The following DEPTOR variants were observed in gnomAD, a reference collection of about 807,000 sequenced individuals.
The protein encoded by DEPTOR is DEP domain-containing mTOR-interacting protein.
DEPTOR carries 41 observed loss-of-function variants against 41.6 expected under a neutral mutation model. The observed-to-expected ratio is 0.98, with a 90% CI of 0.77 to 1.28. The LOEUF (loss-of-function observed/expected upper bound fraction) is 1.28, where lower values mean the gene tolerates loss of function less well. Ranked by LOEUF, DEPTOR falls within the 50% of genes most tolerant of loss-of-function variation. The pLI, the probability that DEPTOR is intolerant of heterozygous loss-of-function variation, is 0.00. For synonymous variants in DEPTOR, 195 were observed against 192.3 expected (o/e 1.01, Z -0.12); for missense variants, 514 against 527.9 (o/e 0.97, Z 0.26).
intron 3 of DEPTOR, among the ~76,000 whole-genome samples, chr8:119,941,950 AT>A (rs915409018): frequency 3.9e-5 from 6 of 152,316 alleles, no homozygotes; most frequent in African/African-American, 1.2e-4. Flanking sequence ...CAATTTTTAA[AT>A]GAGTGGGGGA....
intron 8 of DEPTOR, among the ~76,000 whole-genome samples, chr8:120,042,173 A>G (rs533101897): frequency 2.0e-5 from 3 of 151,794 alleles, no homozygotes; most frequent in South Asian, 2.1e-4. Context: ...CCCCACCTCA[A>G]GTAGAAGGTA....
chr8:119,895,383 C>T (rs1563959360), intron 1 of DEPTOR, among the ~76,000 whole-genome samples: 2 of 152,140 alleles, frequency 1.3e-5, no homozygotes, highest in African/African-American at 4.8e-5. Context: ...AACAGCTTAA[C>T]TGGGCACGCA....
At chr8:119,931,360 C>T (rs570425414) in intron 3 of DEPTOR, among the ~76,000 whole-genome samples, 1 of 152,284 alleles carries the variant, frequency 6.6e-6, no homozygotes, top group African/African-American at 2.4e-5. Context: ...GCCCTGTCAC[C>T]TTACCTTTGT....
chr8:119,885,826 C>G (rs1335541676), intron 1 of DEPTOR, among the ~76,000 whole-genome samples: 1 of 152,170 alleles, frequency 6.6e-6, no homozygotes, highest in East Asian at 1.9e-4. Flanking sequence ...GACTATCCAT[C>G]TAGCTCTCCC....
At chr8:119,950,237 A>G (rs1828335037) in intron 3 of DEPTOR, among the ~76,000 whole-genome samples, 1 of 152,140 alleles carries the variant, frequency 6.6e-6, no homozygotes, top group South Asian at 2.1e-4. Context: ...AATATAAAAC[A>G]CCTTGGTTGA....
chr8:119,903,389 C>T (rs890457115), intron 1 of DEPTOR, among the ~76,000 whole-genome samples: 3 of 152,196 alleles, frequency 2.0e-5, no homozygotes, highest in Non-Finnish European at 4.4e-5. Flanking sequence ...TGAGCCACTG[C>T]ACCCAGCCAA....
intron 8 of DEPTOR, among the ~76,000 whole-genome samples, chr8:120,013,871 A>C (rs1192114681): frequency 2.9e-5 from 4 of 139,270 alleles, no homozygotes; most frequent in Middle Eastern, 3.8e-3. Flanking sequence ...ATGGAGTTTC[A>C]CTCTCGTCGC....
At chr8:119,896,788 G>A (rs186828684) in intron 1 of DEPTOR, among the ~76,000 whole-genome samples, 11 of 152,196 alleles carry the variant, frequency 7.2e-5, no homozygotes, top group Admixed American at 6.5e-4. Flanking sequence ...GTGAACCACC[G>A]TGCCCAGCCT....
intron 8 of DEPTOR, among the ~76,000 whole-genome samples, chr8:120,037,132 T>C (rs1812990005): frequency 6.6e-6 from 1 of 152,200 alleles, no homozygotes; most frequent in African/African-American, 2.4e-5. Context: ...TTGTATCATC[T>C]TGGCCATTTT....
intron 4 of DEPTOR, among the ~76,000 whole-genome samples, chr8:119,974,738 C>T (rs1385966818): frequency 6.6e-6 from 1 of 151,710 alleles, no homozygotes; most frequent in Non-Finnish European, 1.5e-5. Context: ...TGCCACTGCA[C>T]TCCAGCCTGG....
At chr8:119,936,557 G>T (rs10955944) in intron 3 of DEPTOR, among the ~76,000 whole-genome samples, 13,964 of 152,248 alleles carry the variant, frequency 0.092, 717 homozygotes, top group South Asian at 0.21. Flanking sequence ...AAAAATGGGG[G>T]ACATGAGCTG....
chr8:120,023,430 G>A (rs536008283), intron 8 of DEPTOR, among the ~76,000 whole-genome samples: 4 of 151,932 alleles, frequency 2.6e-5, no homozygotes, highest in African/African-American at 7.2e-5. Flanking sequence ...TAGTAGATAC[G>A]GGGCCACCAC....
chr8:120,002,791 A>AAAAAAATAT, intron 5 of DEPTOR, among the ~76,000 whole-genome samples, 186 bp from the exon 6 acceptor site: 1 of 60,674 alleles, frequency 1.6e-5, no homozygotes, highest in African/African-American at 7.6e-5. Flanking sequence ...AAAAAAAAAA[A>AAAAAAATAT]ATATATATAT....
intron 4 of DEPTOR, among the ~76,000 whole-genome samples, chr8:119,993,575 A>G (rs1347335357): frequency 6.6e-6 from 1 of 152,220 alleles, no homozygotes; most frequent in Non-Finnish European, 1.5e-5. Context: ...TGTCCTGTTT[A>G]CAGATAAATA....
At chr8:120,044,929 C>T (rs1370656505) in intron 8 of DEPTOR, among the ~76,000 whole-genome samples, 1 of 152,160 alleles carries the variant, frequency 6.6e-6, no homozygotes, top group Non-Finnish European at 1.5e-5. Flanking sequence ...GCAAAAGTAA[C>T]TGCAGTTTTT....
At chr8:120,029,320 A>G (rs965479992) in intron 8 of DEPTOR, among the ~76,000 whole-genome samples, 13 of 152,314 alleles carry the variant, frequency 8.5e-5, no homozygotes, top group African/African-American at 3.1e-4. Flanking sequence ...CCTTCATACT[A>G]TCCTGAGGAA....
At chr8:119,888,137 T>C (rs764141666) in intron 1 of DEPTOR, among the ~76,000 whole-genome samples, 5 of 152,070 alleles carry the variant, frequency 3.3e-5, no homozygotes, top group Admixed American at 6.6e-5. Context: ...ATTTATTTTT[T>C]TTTACTACAA....
chr8:120,036,932 G>A (rs1311940663), intron 8 of DEPTOR, among the ~76,000 whole-genome samples: 1 of 152,116 alleles, frequency 6.6e-6, no homozygotes, highest in East Asian at 1.9e-4. Flanking sequence ...TCTGTCCTTG[G>A]GAGGTTCTCT....
Position 119,879,985 on chromosome 8 carries a change from T to G in DEPTOR, c.122+6017T>G, listed in dbSNP as rs1827278095. On this transcript the variant is annotated intron_variant, in intron 1 of 8. Coordinates refer to ENST00000286234, the MANE Select transcript of DEPTOR (RefSeq NM_022783.4). ...GGTGAAACCTCGTCTCTACTAAAAATACAAAAATTAGCTGGGCACGGTGGC... is the reference window on the plus strand; with the variant it reads ...GGTGAAACCTCGTCTCTACTAAAAAGACAAAAATTAGCTGGGCACGGTGGC... Among the ~76,000 whole-genome samples, 3 of 151,656 alleles carry G rather than the reference T, an allele frequency of 2.0e-5. No individual in the cohort carries two copies. In the South Asian group the frequency reaches 6.2e-4, roughly 32 times the overall value.
Sources: gnomAD v4.1 joint callset for allele counts (sites outside exome capture counted in the v4.1 genomes callset) on GRCh38, gnomAD v4.1.1 for gene constraint, MANE v1.5 for transcripts, NCBI Gene and HGNC (gene_info 2026-07-23, HGNC 2026-07-21) for gene names.